The following BEND6 variants were observed in gnomAD, a reference collection of about 807,000 sequenced individuals.
The protein encoded by BEND6 is BEN domain containing 6, also known as BEN domain-containing protein 6.
A neutral mutation model predicts 31.8 loss-of-function variants in BEND6; 24 were observed. That is an observed-to-expected ratio of 0.75 (90% CI 0.55 to 1.06). BEND6 has a LOEUF of 1.06. Among genes scored for constraint, BEND6 ranks in the 50% least tolerant of loss-of-function variants. BEND6 has a pLI of 0.00. For synonymous variants in BEND6, 109 were observed against 114.6 expected (o/e 0.95, Z 0.31); for missense variants, 294 against 327.4 (o/e 0.90, Z 0.79).
chr6:56,989,732 G>GT (rs1489910083), intron 2 of BEND6, among the ~76,000 whole-genome samples: 1 of 151,978 alleles, frequency 6.6e-6, no homozygotes, highest in Non-Finnish European at 1.5e-5. Context: ...AGCCCTATGG[G>GT]TTTTCTGTTC....
intron 3 of BEND6, chr6:57,008,903 AATAG>A (rs1026180488): frequency 6.6e-6 from 1 of 152,366 alleles, no homozygotes; most frequent in Admixed American, 6.5e-5. Context: ...ACAACAGATG[AATAG>A]ATAAAGAAAA....
At chr6:56,985,511 G>A (rs1314248743) in intron 2 of BEND6, among the ~76,000 whole-genome samples, 2 of 152,124 alleles carry the variant, frequency 1.3e-5, no homozygotes, top group East Asian at 3.9e-4. Flanking sequence ...AATAGAAGAA[G>A]GAGAATACAG....
intron 1 of BEND6, among the ~76,000 whole-genome samples, chr6:56,966,080 C>G (rs2127840779): frequency 6.6e-6 from 1 of 152,098 alleles, no homozygotes; most frequent in East Asian, 1.9e-4. Flanking sequence ...TAACTCTGAA[C>G]CTGTGGTTTG....
intron 2 of BEND6, among the ~76,000 whole-genome samples, chr6:56,991,947 C>T (rs1010200620): frequency 6.6e-6 from 1 of 152,078 alleles, no homozygotes; most frequent in African/African-American, 2.4e-5. Flanking sequence ...TATACCCTGC[C>T]ATCTTGTTAA....
chr6:57,020,406 T>C lies in BEND6; in HGVS notation c.*9+1849T>C, dbSNP rs556378588. Among the ~76,000 whole-genome samples the C allele has an allele frequency of 8.6e-5, 13 of 151,938 alleles. No homozygotes were observed. The South Asian group carries it at 1.2e-3, about 15-fold the overall frequency. On this transcript the variant is annotated intron_variant, in intron 6 of 6. Coordinates refer to ENST00000370746, the MANE Select transcript of BEND6 (RefSeq NM_152731.3). ...GAAAGCACTCCACCCAGTAACTAAG[T>C]TCCTTGTCTTTTCTTTTTTATTTTT...
intron 1 of BEND6, among the ~76,000 whole-genome samples, chr6:56,956,218 T>A (rs1039366583): frequency 6.6e-6 from 1 of 152,292 alleles, no homozygotes; most frequent in East Asian, 1.9e-4. Flanking sequence ...GAGTTTCTTA[T>A]AACAACTGTA....
intron 3 of BEND6, among the ~76,000 whole-genome samples, chr6:56,994,310 T>C (rs1236224360): frequency 6.6e-6 from 1 of 151,498 alleles, no homozygotes; most frequent in East Asian, 2.0e-4. Context: ...ATAGAAAAAA[T>C]TAGCCAGGCG....
intron 1 of BEND6, among the ~76,000 whole-genome samples, chr6:56,958,188 T>C (rs1654731049): frequency 6.6e-6 from 1 of 152,158 alleles, no homozygotes; most frequent in Admixed American, 6.5e-5. Flanking sequence ...GAGAAGGGAA[T>C]TTTATACATC....
chr6:57,011,715 C>CAAAAAAAAAAAAAAAAA (rs770049459), intron 3 of BEND6, among the ~76,000 whole-genome samples: 6 of 34,060 alleles, frequency 1.8e-4, no homozygotes, highest in South Asian at 1.1e-3. Context: ...GGCCCTGTCT[C>CAAAAAAAAAAAAAAAAA]AAAAAAAAAA....
In BEND6 at chr6:57,002,894, C is replaced by T. The variant is rs185964834; in HGVS notation, c.298+10339C>T. 7.2e-4 allele frequency among the ~76,000 whole-genome samples: 109 copies of T among 152,056 alleles called. No individual in the cohort carries two copies. The Middle Eastern group carries it at 0.034, about 47-fold the overall frequency. ...CAAAATTGAGACCCAAGAATCCATA[C>T]AAAGAATCAATGAAACTAAAAGTTT... On this transcript the variant is annotated intron_variant, in intron 3 of 6. Transcript: ENST00000370746.
chr6:56,963,096 C>T (rs1397630101), intron 1 of BEND6, among the ~76,000 whole-genome samples: 1 of 152,198 alleles, frequency 6.6e-6, no homozygotes, highest in Non-Finnish European at 1.5e-5. Flanking sequence ...CAAAATTCTT[C>T]AGCACTTCAC....
chr6:56,972,082 C>CT (rs1562537655), intron 1 of BEND6, among the ~76,000 whole-genome samples: 6 of 119,890 alleles, frequency 5.0e-5, no homozygotes, highest in Admixed American at 9.2e-5. Context: ...CTTTACTTTA[C>CT]TTTCTTTTTT....
intron 1 of BEND6, among the ~76,000 whole-genome samples, chr6:56,971,544 C>T (rs574215676): frequency 2.2e-4 from 33 of 152,238 alleles, no homozygotes; most frequent in South Asian, 1.2e-3. Context: ...TAGAAGGTTC[C>T]GTGCTGTTTT....
At chr6:56,983,899 A>G (rs1413790351) in intron 2 of BEND6, among the ~76,000 whole-genome samples, 1 of 152,212 alleles carries the variant, frequency 6.6e-6, no homozygotes, top group Non-Finnish European at 1.5e-5. Context: ...ATGACAAAGT[A>G]AATATCCTTA....
intron 3 of BEND6, among the ~76,000 whole-genome samples, chr6:56,995,835 GA>G (rs1826687692): frequency 6.6e-6 from 1 of 152,114 alleles, no homozygotes; most frequent in Admixed American, 6.5e-5. Flanking sequence ...CTTTTTGGGG[GA>G]CACAGTTCAA....
chr6:56,986,147 G>A (rs563699549), intron 2 of BEND6, among the ~76,000 whole-genome samples: 1 of 151,568 alleles, frequency 6.6e-6, no homozygotes, highest in East Asian at 1.9e-4. Flanking sequence ...ATTTAACGTG[G>A]GTATAGCTAT....
chr6:57,002,165 A>C (rs1194605031), intron 3 of BEND6, among the ~76,000 whole-genome samples: 1 of 152,262 alleles, frequency 6.6e-6, no homozygotes, highest in Admixed American at 6.5e-5. Context: ...AGACTTAACT[A>C]TCCTAAATAT....
rs1304493150 is a variant in BEND6, at chr6:56,958,609, G to A, written c.-101+3149G>A. ...GAGGTCAGAACCAAAAACAGATAGG[G>A]AGTCATCAACATTGTAGTTGGAGTA... On this transcript the variant is annotated intron_variant, in intron 1 of 6. Transcript: ENST00000370746. Among the ~76,000 whole-genome samples, 3 of 152,196 alleles carry A rather than the reference G, an allele frequency of 2.0e-5. No individual in the cohort carries two copies. In the South Asian group the frequency reaches 6.2e-4, roughly 32 times the overall value.
chr6:56,964,508 CTT>C (rs917924533), intron 1 of BEND6, among the ~76,000 whole-genome samples: 1 of 146,392 alleles, frequency 6.8e-6, no homozygotes. Context: ...GTCTTTTTGT[CTT>C]TTTTTTTTTG....
Sources: gnomAD v4.1 joint callset for allele counts (sites outside exome capture counted in the v4.1 genomes callset) on GRCh38, gnomAD v4.1.1 for gene constraint, MANE v1.5 for transcripts, NCBI Gene and HGNC (gene_info 2026-07-23, HGNC 2026-07-21) for gene names.